The following JAK2 variants were observed in gnomAD, a reference collection of about 807,000 sequenced individuals.
JAK2 encodes tyrosine-protein kinase JAK2.
Under a neutral mutation model 139.3 loss-of-function variants are expected in JAK2, and 86 were observed. That is an observed-to-expected ratio of 0.62 (90% CI 0.52 to 0.74). The LOEUF (loss-of-function observed/expected upper bound fraction) is 0.74. Among genes scored for constraint, JAK2 ranks in the 30% least tolerant of loss-of-function variants. JAK2 has a pLI of 0.00. For synonymous variants in JAK2, 490 were observed against 437.7 expected (o/e 1.12, Z -1.49); for missense variants, 1,421 against 1,360.3 (o/e 1.04, Z -0.70).
At position 5,090,576 on chromosome 9, in the gene JAK2, T is replaced by C; in HGVS notation, c.2886+6T>C. Reference sequence around the variant, plus strand: ...ACACATCTCAGATATGCAAGGTAACTAATATCCTGATTATTTGCTGTAGAT... The same window carrying C: ...ACACATCTCAGATATGCAAGGTAACCAATATCCTGATTATTTGCTGTAGAT... On this transcript the variant is annotated splice_donor_region_variant and intron_variant, in intron 21 of 24. Coordinates refer to ENST00000381652, the MANE Select transcript of JAK2 (RefSeq NM_004972.4). 1 of 1,562,896 alleles carries C rather than the reference T, an allele frequency of 6.4e-7. No homozygotes were observed. The highest frequency in any genetic ancestry group is 8.6e-7 in the Non-Finnish European group (1 of 1,156,848).
Position 5,038,719 on chromosome 9 carries a change from G to A in JAK2, c.351-5684G>A, listed in dbSNP as rs193035093. 5.9e-5 allele frequency among the ~76,000 whole-genome samples: 9 copies of A among 151,744 alleles called. No homozygotes were observed. The East Asian group carries it at 1.7e-3, about 29-fold the overall frequency. On this transcript the variant is annotated intron_variant, in intron 4 of 24. Transcript: ENST00000381652. The stretch of plus-strand genomic sequence containing the variant: ...TATTTCTTTTGCACATCAGGTTAGC[G>A]CTCTAAAGGTTTTGAATTTTGGAGC...
Position 5,054,731 on chromosome 9 carries a change from G to A in JAK2, c.783G>A (p.Leu261=), listed in dbSNP as rs2130409475. The A allele has an allele frequency of 6.2e-7, 1 of 1,613,308 alleles. No individual in the cohort carries two copies. Among genetic ancestry groups the A allele is most frequent in the Non-Finnish European group, 8.5e-7 (1 of 1,179,466 alleles). The change falls in exon 7 of 25, where the codon CTG becomes CTA. Residue 261 remains leucine (L), a synonymous_variant. Transcript: ENST00000381652. This position sits in a 1 kb window ranked among gnomAD's most constrained non-coding sequence, Gnocchi z 4.9. The stretch of plus-strand genomic sequence containing the variant: ...AGTATCTTATAAATCTGGAAACTCT[G>A]CAGTCTGCCTTCTACACAGAGAAAT... ...KLKYLINLET[L]QSAFYTEKFE...
At chr9:5,044,688 C>G (rs977678708) in intron 5 of JAK2, among the ~76,000 whole-genome samples, 168 bp downstream of exon 5, 2 of 152,080 alleles carry the variant, frequency 1.3e-5, no homozygotes, top group Admixed American at 6.6e-5. Context: ...AGTTTTTAAT[C>G]CCATGGTTTA....
At chr9:5,110,736 T>G in intron 22 of JAK2, 1 of 363,870 alleles carries the variant, frequency 2.7e-6, no homozygotes, top group South Asian at 2.2e-5. Context: ...ATAGTACCCG[T>G]GTTATTTTCT....
chr9:4,995,303 G>A (rs1235637954), intron 2 of JAK2, among the ~76,000 whole-genome samples: 1 of 152,100 alleles, frequency 6.6e-6, no homozygotes, highest in East Asian at 1.9e-4. Flanking sequence ...GTTTTCCCTA[G>A]GTTGTCTCTT....
At chr9:5,066,903 A>G (rs1169353685) in intron 10 of JAK2, 114 bp downstream of exon 10, 4 of 422,360 alleles carry the variant, frequency 9.5e-6, no homozygotes, top group Non-Finnish European at 1.6e-5. Flanking sequence ...TTTGGATATG[A>G]TAACTAGTAT....
intron 19 of JAK2, chr9:5,086,119 G>C (rs1820084969): frequency 9.2e-6 from 4 of 434,818 alleles, no homozygotes; most frequent in Admixed American, 3.3e-5. Context: ...GGCATCGGCA[G>C]CGGCGCGCGG....
chr9:5,064,343 A>G (rs1036893230), intron 8 of JAK2, among the ~76,000 whole-genome samples: 1 of 152,262 alleles, frequency 6.6e-6, no homozygotes, highest in Non-Finnish European at 1.5e-5. Context: ...CAGCCTGGCC[A>G]ACATGGCGAG....
chr9:5,090,965 T>C, intron 22 of JAK2, 54 bp downstream of exon 22: 1 of 1,221,640 alleles, frequency 8.2e-7, no homozygotes, highest in Non-Finnish European at 1.1e-6. Flanking sequence ...CTTCAAACTT[T>C]ATTGTTGTTA....
At chr9:4,996,568 G>GT (rs1037066286) in intron 2 of JAK2, among the ~76,000 whole-genome samples, 10 of 150,756 alleles carry the variant, frequency 6.6e-5, no homozygotes, top group Non-Finnish European at 1.5e-4. Flanking sequence ...AGATTTTTTG[G>GT]TTTTTTTGAG....
chr9:5,088,730 T>G (rs1290643745), intron 19 of JAK2, among the ~76,000 whole-genome samples: 1 of 152,236 alleles, frequency 6.6e-6, no homozygotes, highest in African/African-American at 2.4e-5. Context: ...AGGTTTCTTC[T>G]TGGCTTGCAG....
rs1824040255 is a variant in JAK2 at position 5,126,947 on chromosome 9, T to TAGTA, written c.*160_*163dup. The TAGTA allele has an allele frequency of 2.4e-6, 1 of 414,340 alleles. No individual in the cohort carries two copies. The highest frequency in any genetic ancestry group is 5.4e-5 in the South Asian group (1 of 18,676). The allele number at this position is 414,340 out of a possible 1,614,324, so 25.7% of individuals were successfully genotyped here. The stretch of plus-strand genomic sequence containing the variant: ...ATATCTGCTCAAAACTTTCAAAGTT[T>TAGTA]AGTAAGTTTTTCTTCATGAGGCCAC... On this transcript the variant is annotated 3_prime_UTR_variant, in exon 25 of 25. Coordinates refer to ENST00000381652, the MANE Select transcript of JAK2 (RefSeq NM_004972.4).
chr9:5,057,167 ATG>A (rs1185503026), intron 8 of JAK2, among the ~76,000 whole-genome samples: 1 of 151,994 alleles, frequency 6.6e-6, no homozygotes, highest in Non-Finnish European at 1.5e-5. Context: ...TTGATACATC[ATG>A]TTTCTTGCTG....
chr9:5,044,607 A>G lies in JAK2; in HGVS notation c.468+87A>G, dbSNP rs1399992797. 7.6e-6 allele frequency: 6 copies of G among 791,802 alleles called. No homozygotes were observed. In the South Asian group the frequency reaches 9.4e-5, roughly 12 times the overall value. The allele number at this position is 791,802 out of a possible 1,614,324, so 49.0% of individuals were successfully genotyped here. ...GTCACTTAATCAGGAAAAACTTTAC[A>G]TATGGGAAAATTGCAGTTCTGTCTT... On this transcript the variant is annotated intron_variant, in intron 5 of 24. Coordinates refer to ENST00000381652, the MANE Select transcript of JAK2 (RefSeq NM_004972.4).
rs1351311786 is a variant in JAK2, at chr9:5,089,640, T to G, written c.2572-34T>G. On this transcript the variant is annotated intron_variant, in intron 19 of 24. Transcript: ENST00000381652. Reference sequence around the variant, plus strand: ...TTATTTGTAATTTGCCTTGAAAACTTGGTATTTCCATCCTAATGTGATGTG... The same window carrying G: ...TTATTTGTAATTTGCCTTGAAAACTGGGTATTTCCATCCTAATGTGATGTG... The G allele has an allele frequency of 3.5e-6, 4 of 1,159,082 alleles. No individual in the cohort carries two copies. In the African/African-American group the frequency reaches 6.3e-5, roughly 18 times the overall value. The allele number at this position is 1,159,082 out of a possible 1,614,324, so 71.8% of individuals were successfully genotyped here.
intron 4 of JAK2, among the ~76,000 whole-genome samples, chr9:5,033,924 C>A (rs1402753543): frequency 6.6e-6 from 1 of 152,082 alleles, no homozygotes; most frequent in African/African-American, 2.4e-5. Context: ...CTAAATGCTC[C>A]AATTAAAAGA....
At chr9:5,006,991 C>T (rs192489791) in intron 2 of JAK2, among the ~76,000 whole-genome samples, 5 of 152,142 alleles carry the variant, frequency 3.3e-5, no homozygotes, top group East Asian at 3.9e-4. Flanking sequence ...TTTTAATTCC[C>T]GATATTGATA....
At chr9:4,988,631 T>A (rs1174513371) in intron 2 of JAK2, among the ~76,000 whole-genome samples, 1 of 152,250 alleles carries the variant, frequency 6.6e-6, no homozygotes, top group Non-Finnish European at 1.5e-5. Flanking sequence ...GATCATGGCT[T>A]AATATATTTC....
rs1337638748 is a variant in JAK2 at position 5,129,595 on chromosome 9, C to G, written c.*2804C>G. 6.6e-6 allele frequency among the ~76,000 whole-genome samples: 1 copy of G among 151,924 alleles called. No homozygotes were observed. Among genetic ancestry groups the G allele is most frequent in the Non-Finnish European group, 1.5e-5 (1 of 67,952 alleles). ...CAGTAAGTCAGCAGGATTATCCAAA[C>G]AAAAGACTAGGTTTTATGAGATAAG... On this transcript the variant is annotated 3_prime_UTR_variant, in exon 25 of 25. Coordinates refer to ENST00000381652, the MANE Select transcript of JAK2 (RefSeq NM_004972.4).
Sources: allele counts gnomAD v4.1 joint callset (sites outside exome capture counted in the v4.1 genomes callset), GRCh38; gene constraint gnomAD v4.1.1; non-coding constraint Gnocchi (gnomAD v3.1); transcripts MANE v1.5; gene names NCBI Gene and HGNC (gene_info 2026-07-23, HGNC 2026-07-21).